The following SDK2 variants were observed in gnomAD, a reference collection of about 807,000 sequenced individuals.
The protein encoded by SDK2 is sidekick cell adhesion molecule 2, also known as protein sidekick-2.
A neutral mutation model predicts 253.9 loss-of-function variants in SDK2; 105 were observed. The ratio of observed to expected loss-of-function variants is 0.41; its 90% CI spans 0.35 to 0.49. The LOEUF is 0.49. Among genes scored for constraint, SDK2 ranks in the 20% least tolerant of loss-of-function variants. The probability of loss-of-function intolerance (pLI) is 0.06; values close to 1 mark genes in which losing one functional copy is unlikely to be tolerated. For synonymous variants in SDK2, 1,249 were observed against 1,234.9 expected (o/e 1.01, Z -0.24); for missense variants, 2,608 against 3,003.0 (o/e 0.87, Z 3.07).
chr17:73,375,064 A>G (rs1381173552), intron 36 of SDK2, among the ~76,000 whole-genome samples: 1 of 151,914 alleles, frequency 6.6e-6, no homozygotes, highest in Non-Finnish European at 1.5e-5. Flanking sequence ...CGCTCCCTGG[A>G]ACTCACTCTG....
chr17:73,387,894 T>G lies in SDK2; in HGVS notation c.4336A>C (p.Arg1446=), dbSNP rs753163364. 5 of 1,592,638 alleles carry G rather than the reference T, an allele frequency of 3.1e-6. No homozygotes were observed. In the South Asian group the frequency reaches 3.4e-5, roughly 11 times the overall value. Residue 1446 remains arginine (R), a synonymous_variant, in exon 30 of 45, where the codon AGG becomes CGG. Coordinates refer to ENST00000392650, the MANE Select transcript of SDK2 (RefSeq NM_001144952.2). ...TIQTRELPSG[R]WALHSASVSH... Reference sequence around the variant, plus strand: ...ACGGAGGCCGAGTGCAGTGCCCACCTGCCGCTGGGCAGCTCGCGGGTCTGG... The same window carrying G: ...ACGGAGGCCGAGTGCAGTGCCCACCGGCCGCTGGGCAGCTCGCGGGTCTGG...
chr17:73,456,680 CT>C (rs1211206815), intron 3 of SDK2, among the ~76,000 whole-genome samples: 1 of 152,200 alleles, frequency 6.6e-6, no homozygotes, highest in Admixed American at 6.5e-5. Context: ...CCATATTGCT[CT>C]TTTAAAACAT....
chr17:73,568,954 G>A (rs1015108869), intron 1 of SDK2, among the ~76,000 whole-genome samples: 2 of 152,148 alleles, frequency 1.3e-5, no homozygotes, highest in Admixed American at 1.3e-4. Context: ...GGCAAAGGTT[G>A]AAAAAGCACC....
chr17:73,388,080 C>G (rs2062889845), intron 29 of SDK2, 43 bp from the exon 30 acceptor site: 1 of 1,427,202 alleles, frequency 7.0e-7, no homozygotes, highest in Non-Finnish European at 9.6e-7. Flanking sequence ...GTGGGCCAGG[C>G]CATGGTGGAG....
chr17:73,419,293 C>T lies in SDK2; in HGVS notation c.2059G>A (p.Glu687Lys), dbSNP rs771422779. 7.4e-6 allele frequency: 12 copies of T among 1,612,066 alleles called. No individual in the cohort carries two copies. Among genetic ancestry groups the T allele is most frequent in the South Asian group, 1.1e-5 (1 of 90,636 alleles). The change falls in exon 16 of 45, where the codon GAG becomes AAG. Residue 687 changes from glutamate to lysine, a missense_variant. Coordinates refer to ENST00000392650, the MANE Select transcript of SDK2 (RefSeq NM_001144952.2). ...SKDTERVSLP[E>K]EPPTAPPQNV... ...TGTGGAGGGGCCGTGGGGGGCTCCT[C>T]GGGGAGGGAGACCCTGGATCACAAA...
chr17:73,431,960 C>T lies in SDK2; in HGVS notation c.1313-291G>A, dbSNP rs772595082. Among the ~76,000 whole-genome samples the T allele has an allele frequency of 3.3e-5, 5 of 152,272 alleles. No homozygotes were observed. Among genetic ancestry groups the T allele is most frequent in the African/African-American group, 7.2e-5 (3 of 41,582 alleles). ...ACGTGCCCTTCAACAGAGAAGGGGG[C>T]GCAGTTTCCTGATGACGGTGAGCAG... is the stretch of plus-strand genomic sequence containing the variant. On this transcript the variant is annotated intron_variant, in intron 10 of 44. Coordinates refer to ENST00000392650, the MANE Select transcript of SDK2 (RefSeq NM_001144952.2). The surrounding 1 kb of genome is among the most constrained non-coding windows in gnomAD (Gnocchi z 5.6).
At chr17:73,393,463 TG>T in intron 27 of SDK2, 96 bp downstream of exon 27, 1 of 1,167,722 alleles carries the variant, frequency 8.6e-7, no homozygotes, top group Non-Finnish European at 1.2e-6. Context: ...TGGCTCCCTG[TG>T]GGGCAGAGCC....
intron 1 of SDK2, among the ~76,000 whole-genome samples, chr17:73,557,934 T>C (rs1161807368): frequency 6.6e-6 from 1 of 152,184 alleles, no homozygotes; most frequent in Non-Finnish European, 1.5e-5. Flanking sequence ...CCAGTGGCAT[T>C]GACCTGGATT....
At chr17:73,617,620 G>A (rs1373362108) in intron 1 of SDK2, among the ~76,000 whole-genome samples, 5 of 152,138 alleles carry the variant, frequency 3.3e-5, no homozygotes, top group Admixed American at 2.6e-4. Context: ...AGCTATTTGC[G>A]TTCTCCTGAG....
intron 2 of SDK2, among the ~76,000 whole-genome samples, chr17:73,482,253 T>C (rs1321252800): frequency 1.3e-5 from 2 of 149,248 alleles, no homozygotes; most frequent in Non-Finnish European, 3.0e-5. Context: ...CTGGCCTGCG[T>C]GACAAGACTC....
chr17:73,412,831 T>C (rs1345274361), intron 18 of SDK2, among the ~76,000 whole-genome samples: 1 of 152,110 alleles, frequency 6.6e-6, no homozygotes, highest in Non-Finnish European at 1.5e-5. Context: ...GGCAAGAGAA[T>C]TGCTTGAACA....
chr17:73,484,032 A>T (rs1369072477), intron 2 of SDK2, among the ~76,000 whole-genome samples: 3 of 152,070 alleles, frequency 2.0e-5, no homozygotes, highest in African/African-American at 7.2e-5. Context: ...CAGAAAAGCA[A>T]AATGAAAGGA....
chr17:73,576,706 AG>A (rs2045462908), intron 1 of SDK2, among the ~76,000 whole-genome samples: 2 of 152,210 alleles, frequency 1.3e-5, no homozygotes, highest in African/African-American at 2.4e-5. Context: ...CAGAGAGGCC[AG>A]GGGGTTGCCA....
intron 1 of SDK2, among the ~76,000 whole-genome samples, chr17:73,590,715 A>G (rs960109882): frequency 2.6e-5 from 4 of 152,150 alleles, no homozygotes; most frequent in Admixed American, 1.3e-4. Context: ...TGGGCTGTGC[A>G]TGGAATTGAG....
intron 34 of SDK2, 104 bp downstream of exon 34, chr17:73,380,790 G>A: frequency 2.0e-6 from 2 of 1,003,216 alleles, no homozygotes; most frequent in Non-Finnish European, 3.1e-6. Flanking sequence ...CCCCTGGGGT[G>A]GGCACACCCC....
In SDK2 at chr17:73,412,155, T is replaced by C. The variant is rs1448630214; in HGVS notation, c.2484+2489A>G. ...GTGTATGTGTATATGTATATATACG[T>C]ATATATGTATATACACATATATGTA... On this transcript the variant is annotated intron_variant, in intron 18 of 44. Transcript: ENST00000392650. 2.0e-3 allele frequency among the ~76,000 whole-genome samples: 186 copies of C among 91,830 alleles called. 2 individuals are homozygous for C. The highest frequency in any genetic ancestry group is 8.8e-3 in the African/African-American group (170 of 19,210). 60.2% of individuals were successfully genotyped at this position (91,830 alleles called of 152,430 possible). A position where few individuals can be genotyped will look rare whatever the true frequency, so the allele number is the denominator to read the frequency against.
chr17:73,629,862 T>G lies in SDK2; in HGVS notation c.64+14163A>C, dbSNP rs1403130180. 6.6e-6 allele frequency among the ~76,000 whole-genome samples: 1 copy of G among 152,104 alleles called. No homozygotes were observed. The highest frequency in any genetic ancestry group is 2.4e-5 in the African/African-American group (1 of 41,388). ...TGGCTCATGGGGGTTACTTTGGAGC[T>G]TCTAGAAAAGCTCCTTCTCCCAGGA... On this transcript the variant is annotated intron_variant, in intron 1 of 44. Transcript: ENST00000392650. The surrounding 1 kb of genome is among the most constrained non-coding windows in gnomAD (Gnocchi z 5.0).
chr17:73,348,587 T>G lies in SDK2; in HGVS notation c.6165+12A>C. On this transcript the variant is annotated intron_variant, in intron 44 of 44. Transcript: ENST00000392650. ...CTGCCCCCTGCAGGACACCTGGCCCTCCTGCCCTCACCTGAGAGTCGGAGA... is the reference window on the plus strand; with the variant it reads ...CTGCCCCCTGCAGGACACCTGGCCCGCCTGCCCTCACCTGAGAGTCGGAGA... The G allele has an allele frequency of 6.2e-7, 1 of 1,611,436 alleles. No individual in the cohort carries two copies. Among genetic ancestry groups the G allele is most frequent in the Non-Finnish European group, 8.5e-7 (1 of 1,179,296 alleles).
At chr17:73,572,146 G>T (rs899787729) in intron 1 of SDK2, among the ~76,000 whole-genome samples, 1 of 152,178 alleles carries the variant, frequency 6.6e-6, no homozygotes, top group African/African-American at 2.4e-5. Context: ...CTGTCCAAAT[G>T]GTTTTAGATT....
Sources: gnomAD v4.1 joint callset for allele counts (sites outside exome capture counted in the v4.1 genomes callset) on GRCh38, gnomAD v4.1.1 for gene constraint, Gnocchi (gnomAD v3.1) non-coding constraint, MANE v1.5 for transcripts, NCBI Gene and HGNC (gene_info 2026-07-23, HGNC 2026-07-21) for gene names.